PRP4K: variants seen among roughly 807,000 people sequenced by gnomAD.
PRP4K encodes the protein pre-mRNA processing factor kinase PRP4K, also known as serine/threonine-protein kinase PRP4 homolog.
the PRP4K span, chr6:4,060,367 G>A: frequency 6.5e-7 from 1 of 1,535,936 alleles, no homozygotes; most frequent in South Asian, 1.2e-5. This position sits in a 1 kb window ranked among gnomAD's most constrained non-coding sequence, Gnocchi z 4.7. Flanking sequence ...AGTTGTATAT[G>A]CTTAGTAACT....
the PRP4K span, among the ~76,000 whole-genome samples, chr6:4,043,383 T>C: frequency 2.6e-5 from 4 of 152,198 alleles, no homozygotes; most frequent in African/African-American, 9.7e-5. Flanking sequence ...CCTCCAACCC[T>C]TGGGGCCATA....
chr6:4,043,125 C>T, the PRP4K span, among the ~76,000 whole-genome samples: 3 of 152,208 alleles, frequency 2.0e-5, no homozygotes, highest in Non-Finnish European at 2.9e-5. Flanking sequence ...GCTCTTCCTT[C>T]GAAGACAAAA....
chr6:4,048,818 G>A, the PRP4K span, among the ~76,000 whole-genome samples: 2 of 148,300 alleles, frequency 1.3e-5, no homozygotes, highest in African/African-American at 2.5e-5. Flanking sequence ...TTTTTTTTTA[G>A]TGTTATTTTG....
At chr6:4,054,624 A>G in the PRP4K span, among the ~76,000 whole-genome samples, 1 of 152,138 alleles carries the variant, frequency 6.6e-6, no homozygotes, top group African/African-American at 2.4e-5. Flanking sequence ...CTCCTGCCTC[A>G]GCCTCCCGAG....
the PRP4K span, chr6:4,042,427 T>C: frequency 8.2e-5 from 108 of 1,319,352 alleles, no homozygotes; most frequent in Middle Eastern, 5.5e-4. Flanking sequence ...CCTTTAACTT[T>C]AAAATGTATA....
At chr6:4,049,514 G>T in the PRP4K span, 1 of 529,160 alleles carries the variant, frequency 1.9e-6, no homozygotes, top group Admixed American at 3.5e-5. Context: ...GCAGTTGATA[G>T]GACAACAGGA....
chr6:4,050,361 T>G, the PRP4K span: 2 of 793,118 alleles, frequency 2.5e-6, no homozygotes, highest in Non-Finnish European at 3.8e-6. Flanking sequence ...TTTAAAATTA[T>G]AGCCATATGT....
chr6:4,052,592 G>A, the PRP4K span: 1 of 659,732 alleles, frequency 1.5e-6, no homozygotes, highest in African/African-American at 1.8e-5. Flanking sequence ...AAATGTGGGG[G>A]TGGTTCTTAC....
the PRP4K span, chr6:4,047,261 A>G: frequency 6.3e-7 from 1 of 1,598,546 alleles, no homozygotes; most frequent in Non-Finnish European, 8.6e-7. Context: ...AAGTTATTTT[A>G]AATCAAGTGT....
At chr6:4,049,633 A>C in the PRP4K span, 6 of 1,208,774 alleles carry the variant, frequency 5.0e-6, no homozygotes, top group Non-Finnish European at 6.9e-6. Flanking sequence ...ACCAAATAGT[A>C]GAGATTTAAC....
chr6:4,035,173 G>C, the PRP4K span, among the ~76,000 whole-genome samples: 3 of 151,244 alleles, frequency 2.0e-5, no homozygotes, highest in East Asian at 5.9e-4. Flanking sequence ...CTGGAGTGCA[G>C]TGGTGTGATC....
At chr6:4,023,227 GT>G in the PRP4K span, among the ~76,000 whole-genome samples, 1 of 152,232 alleles carries the variant, frequency 6.6e-6, no homozygotes, top group Admixed American at 6.5e-5. Flanking sequence ...ACACTGAGTA[GT>G]TTACAGTTAT....
chr6:4,047,714 T>C, the PRP4K span, among the ~76,000 whole-genome samples: 1 of 152,220 alleles, frequency 6.6e-6, no homozygotes, highest in African/African-American at 2.4e-5. Context: ...TCACCACTTT[T>C]TTCTTAAATT....
the PRP4K span, chr6:4,060,443 C>A: frequency 6.2e-7 from 1 of 1,613,848 alleles, no homozygotes; most frequent in South Asian, 1.1e-5. This position sits in a 1 kb window ranked among gnomAD's most constrained non-coding sequence, Gnocchi z 4.7. Context: ...CACCATTAAT[C>A]CAACTAAGGA....
At chr6:4,044,243 C>G in the PRP4K span, 1 of 482,606 alleles carries the variant, frequency 2.1e-6, no homozygotes, top group East Asian at 3.4e-5. Context: ...ACTGAACTCT[C>G]ACATATTCGT....
At chr6:4,063,978 G>A in the PRP4K span, 3 of 152,124 alleles carry the variant, frequency 2.0e-5, no homozygotes, top group Non-Finnish European at 4.4e-5. Flanking sequence ...TTTTTTCTAG[G>A]GTTGGGAGAA....
chr6:4,041,445 C>T, the PRP4K span, among the ~76,000 whole-genome samples: 41 of 152,236 alleles, frequency 2.7e-4, no homozygotes, highest in South Asian at 8.5e-3. Context: ...CGCCTGTAGT[C>T]AGGAGGCTGA....
chr6:4,044,755 T>A, the PRP4K span, among the ~76,000 whole-genome samples: 2 of 152,124 alleles, frequency 1.3e-5, no homozygotes, highest in South Asian at 4.1e-4. Context: ...TAGTAAATGG[T>A]TGAGCCTTTA....
chr6:4,022,513 C>T, the PRP4K span, among the ~76,000 whole-genome samples: 1 of 150,994 alleles, frequency 6.6e-6, no homozygotes, highest in African/African-American at 2.4e-5. Flanking sequence ...GATCTGTTTC[C>T]AGCCATCTTA....
Sources: allele counts gnomAD v4.1 joint callset (sites outside exome capture counted in the v4.1 genomes callset), GRCh38; gene constraint gnomAD v4.1.1; non-coding constraint Gnocchi (gnomAD v3.1); transcripts MANE v1.5; gene names NCBI Gene and HGNC (gene_info 2026-07-23, HGNC 2026-07-21).